The following SLC44A5 variants were observed in gnomAD, a reference collection of about 807,000 sequenced individuals.
The protein encoded by SLC44A5 is solute carrier family 44 member 5, also known as choline transporter-like protein 5.
A neutral mutation model predicts 101.8 loss-of-function variants in SLC44A5; 57 were observed. That is an observed-to-expected ratio of 0.56 (90% CI 0.45 to 0.70). SLC44A5 has a LOEUF of 0.70. Among genes scored for constraint, SLC44A5 ranks in the 30% least tolerant of loss-of-function variants. SLC44A5 has a pLI of 0.00. For synonymous variants in SLC44A5, 281 were observed against 290.9 expected (o/e 0.97, Z 0.35); for missense variants, 737 against 853.1 (o/e 0.86, Z 1.70).
chr1:75,285,772 A>G (rs796705890), intron 5 of SLC44A5, among the ~76,000 whole-genome samples: 176 of 152,090 alleles, frequency 1.2e-3, no homozygotes, highest in African/African-American at 4.1e-3. Flanking sequence ...ATGTATTTGC[A>G]TGGTTTTGAG....
chr1:75,480,308 A>C (rs540497788), intron 2 of SLC44A5, among the ~76,000 whole-genome samples: 46 of 152,262 alleles, frequency 3.0e-4, no homozygotes, highest in East Asian at 9.6e-4. Context: ...ACTGAATGGG[A>C]AAAAACTGGA....
the SLC44A5 span, among the ~76,000 whole-genome samples, chr1:75,632,722 A>C: frequency 6.6e-6 from 1 of 152,214 alleles, no homozygotes; most frequent in Non-Finnish European, 1.5e-5. Context: ...GGAATATTTG[A>C]GCACTTGAGT....
the SLC44A5 span, among the ~76,000 whole-genome samples, chr1:75,671,826 A>C: frequency 6.6e-6 from 1 of 152,202 alleles, no homozygotes; most frequent in Admixed American, 6.5e-5. Flanking sequence ...TACAGGCTGA[A>C]GTTTTCTGAA....
At chr1:75,643,755 T>C in the SLC44A5 span, among the ~76,000 whole-genome samples, 3 of 152,264 alleles carry the variant, frequency 2.0e-5, no homozygotes, top group African/African-American at 7.2e-5. Flanking sequence ...TGCTTTTCCT[T>C]AGCCTTCCAT....
At chr1:75,331,637 T>C (rs886889927) in intron 4 of SLC44A5, among the ~76,000 whole-genome samples, 3 of 152,180 alleles carry the variant, frequency 2.0e-5, no homozygotes, top group East Asian at 3.9e-4. Flanking sequence ...ACTCTGTTAC[T>C]AAAACCCTCA....
chr1:75,214,163 T>G (rs1343605890), intron 20 of SLC44A5, among the ~76,000 whole-genome samples, 174 bp from the exon 21 acceptor site: 3 of 152,152 alleles, frequency 2.0e-5, no homozygotes, highest in African/African-American at 7.2e-5. Context: ...TCTGACTTAT[T>G]TTTAATGTAA....
intron 5 of SLC44A5, among the ~76,000 whole-genome samples, chr1:75,296,543 A>AT (rs915971753): frequency 2.6e-5 from 4 of 151,684 alleles, no homozygotes; most frequent in Non-Finnish European, 5.9e-5. Context: ...CCTGAGGACA[A>AT]TTTTTTTTAG....
intron 2 of SLC44A5, among the ~76,000 whole-genome samples, chr1:75,503,531 C>G (rs1669084754): frequency 6.6e-6 from 1 of 152,146 alleles, no homozygotes; most frequent in Non-Finnish European, 1.5e-5. Context: ...GTCATGCCTC[C>G]TATACAGCCT....
chr1:75,348,408 G>T (rs1658408962), intron 3 of SLC44A5, among the ~76,000 whole-genome samples: 1 of 152,060 alleles, frequency 6.6e-6, no homozygotes, highest in South Asian at 2.1e-4. Flanking sequence ...CAAGATGAGG[G>T]CTCAAATAGA....
At chr1:75,716,691 A>G in the SLC44A5 span, among the ~76,000 whole-genome samples, 1 of 152,154 alleles carries the variant, frequency 6.6e-6, no homozygotes, top group Non-Finnish European at 1.5e-5. Context: ...TCACAACAGA[A>G]AAGACACGGA....
chr1:75,587,307 G>C (rs1674065920), intron 1 of SLC44A5, among the ~76,000 whole-genome samples: 1 of 152,122 alleles, frequency 6.6e-6, no homozygotes, highest in South Asian at 2.1e-4. Flanking sequence ...CATATCAATA[G>C]CAGCAACTTA....
intron 6 of SLC44A5, among the ~76,000 whole-genome samples, chr1:75,271,001 T>A (rs1651421855): frequency 6.6e-6 from 1 of 152,112 alleles, no homozygotes; most frequent in South Asian, 2.1e-4. Flanking sequence ...CACTTGGTGC[T>A]CTCTTTGTCC....
intron 3 of SLC44A5, among the ~76,000 whole-genome samples, chr1:75,348,149 CCTCTCTCTCTCTT>C (rs1011090589): frequency 1.5e-4 from 22 of 151,560 alleles, no homozygotes; most frequent in African/African-American, 5.1e-4. Flanking sequence ...CTCTCTCTCT[CCTCTCTCTCTCTT>C]TCTCTCTCTC....
the SLC44A5 span, among the ~76,000 whole-genome samples, chr1:75,683,953 G>T: frequency 6.6e-6 from 1 of 152,070 alleles, no homozygotes; most frequent in Non-Finnish European, 1.5e-5. Context: ...GTATTAGTTC[G>T]TTTTCATGCT....
intron 1 of SLC44A5, among the ~76,000 whole-genome samples, chr1:75,573,357 G>A (rs1437899722): frequency 6.6e-6 from 1 of 151,756 alleles, no homozygotes; most frequent in Non-Finnish European, 1.5e-5. Flanking sequence ...AAAAAAGAAA[G>A]AAGTATAGAT....
intron 3 of SLC44A5, among the ~76,000 whole-genome samples, chr1:75,354,318 G>A (rs952688793): frequency 6.6e-6 from 1 of 152,162 alleles, no homozygotes; most frequent in Non-Finnish European, 1.5e-5. Flanking sequence ...CTTGATTGGT[G>A]GAATACTTGA....
chr1:75,536,245 C>T (rs1268899428), intron 2 of SLC44A5, among the ~76,000 whole-genome samples: 1 of 152,066 alleles, frequency 6.6e-6, no homozygotes, highest in East Asian at 1.9e-4. Context: ...CATAATAAAA[C>T]TAATTTCCCA....
intron 2 of SLC44A5, among the ~76,000 whole-genome samples, chr1:75,487,657 T>C (rs757451169): frequency 6.6e-6 from 1 of 152,230 alleles, no homozygotes; most frequent in Non-Finnish European, 1.5e-5. Flanking sequence ...TATGGTCATC[T>C]GTCACTTAAC....
chr1:75,416,704 A>T (rs929838155), intron 2 of SLC44A5, among the ~76,000 whole-genome samples: 1 of 152,244 alleles, frequency 6.6e-6, no homozygotes, highest in African/African-American at 2.4e-5. Flanking sequence ...GAGCTGCCTA[A>T]GACCATGGGA....
Sources: gnomAD v4.1 joint callset for allele counts (sites outside exome capture counted in the v4.1 genomes callset) on GRCh38, gnomAD v4.1.1 for gene constraint, MANE v1.5 for transcripts, NCBI Gene and HGNC (gene_info 2026-07-23, HGNC 2026-07-21) for gene names.